The following EVC2 variants were observed in gnomAD, a reference collection of about 807,000 sequenced individuals.
The protein encoded by EVC2 is EvC ciliary complex subunit 2.
Under a neutral mutation model 149.3 loss-of-function variants are expected in EVC2, and 148 were observed. The ratio of observed to expected loss-of-function variants is 0.99; its 90% CI spans 0.87 to 1.14. The LOEUF is 1.14. EVC2 is among the 50% of genes most tolerant of loss of function. The pLI is 0.00. For missense variants in EVC2, 1,854 were observed against 1,627.3 expected, an observed-to-expected ratio of 1.14 and a Z score of -2.40; for synonymous variants, 776 against 649.9, an observed-to-expected ratio of 1.19 and a Z score of -2.95.
Position 5,616,459 on chromosome 4 carries a change from C to G in EVC2, c.2707-915G>C, listed in dbSNP as rs544535646. ...CACTACCTGTTTTGTGGGCCTAGAT[C>G]AAAGAGAAGTATGTGGTGAAGAAAT... On this transcript the variant is annotated intron_variant, in intron 15 of 21. Transcript: ENST00000344408. Among the ~76,000 whole-genome samples, 33 of 152,264 alleles carry G rather than the reference C, an allele frequency of 2.2e-4. 1 individual carries two copies. In the South Asian group the frequency reaches 6.2e-3, roughly 29 times the overall value.
chr4:5,602,654 C>T (rs1714077580), intron 16 of EVC2, among the ~76,000 whole-genome samples: 1 of 151,920 alleles, frequency 6.6e-6, no homozygotes, highest in Non-Finnish European at 1.5e-5. Context: ...TTCTAGTTTC[C>T]CACAAGATTC....
chr4:5,609,962 G>T (rs1714690021), intron 16 of EVC2, among the ~76,000 whole-genome samples: 1 of 152,178 alleles, frequency 6.6e-6, no homozygotes, highest in Non-Finnish European at 1.5e-5. Context: ...AGTTGGGAAG[G>T]GTAAAGCATG....
rs185417844 is a variant in EVC2, at chr4:5,686,836, T to C, written c.707-1357A>G. Among the ~76,000 whole-genome samples, 1 of 151,388 alleles carries C rather than the reference T, an allele frequency of 6.6e-6. No homozygotes were observed. Among genetic ancestry groups the C allele is most frequent in the Admixed American group, 6.6e-5 (1 of 15,228 alleles). ...CCCCAAGGTGAAAATCAATGTCACA[T>C]TCCTTGGCGTAGCGGTGAGTTCACA... On this transcript the variant is annotated intron_variant, in intron 5 of 21. Transcript: ENST00000344408. The surrounding 1 kb of genome is among the most constrained non-coding windows in gnomAD (Gnocchi z 5.4).
Position 5,697,640 on chromosome 4 carries a change from G to A in EVC2, c.236C>T (p.Pro79Leu). ...AGPESSTQDL[P>L]CMIWPKVECC... ...TTCCACTTTGGGCCAAATCATACAG[G>A]GCAAGTCCTAAAAAATTCAAGACAC... Residue 79 changes from proline to leucine, a missense_variant, in exon 2 of 22, where the codon CCC (proline) becomes CTC (leucine). Transcript: ENST00000344408. 1.2e-6 allele frequency: 2 copies of A among 1,613,898 alleles called. No individual in the cohort carries two copies. Among genetic ancestry groups the A allele is most frequent in the Non-Finnish European group, 8.5e-7 (1 of 1,179,958 alleles).
intron 21 of EVC2, among the ~76,000 whole-genome samples, chr4:5,549,969 T>G (rs181476482): frequency 5.5e-4 from 84 of 152,320 alleles, no homozygotes; most frequent in African/African-American, 1.7e-3. Flanking sequence ...TTTTGCCTGC[T>G]GTCATCCATG....
intron 16 of EVC2, among the ~76,000 whole-genome samples, chr4:5,608,039 CGGGCTATG>C (rs1714536042): frequency 6.6e-6 from 1 of 152,036 alleles, no homozygotes; most frequent in Non-Finnish European, 1.5e-5. Flanking sequence ...GCCACAGTCC[CGGGCTATG>C]GAGGCAGACA....
In EVC2 at chr4:5,584,756, G is replaced by A. The variant is rs573195320; in HGVS notation, c.2924C>T (p.Ala975Val). ...CGACAGAGTCTCGGTCACCCGGGAC[G>A]CCTTCTGGAACTGCAGAGCAACAAG... Reference protein sequence around the residue: ...QSLVALQFQKASRVTETLSAY... With the variant: ...QSLVALQFQKVSRVTETLSAY... The change falls in exon 17 of 22, where the codon GCG becomes GTG. Residue 975 changes from alanine (A) to valine (V), a missense_variant. Ala to Val is a moderately conservative substitution (Grantham distance 64, BLOSUM62 0). Coordinates refer to ENST00000344408, the MANE Select transcript of EVC2 (RefSeq NM_147127.5). The A allele has an allele frequency of 3.3e-5, 54 of 1,614,018 alleles. No individual in the cohort carries two copies. The South Asian group carries it at 4.4e-4, about 13-fold the overall frequency.
intron 16 of EVC2, among the ~76,000 whole-genome samples, chr4:5,594,408 G>A (rs1293392556): frequency 3.9e-5 from 6 of 152,156 alleles, no homozygotes; most frequent in South Asian, 2.1e-4. Flanking sequence ...CAGCATTCGC[G>A]GTTCATGAAA....
At chr4:5,551,414 G>A (rs764963449) in intron 21 of EVC2, among the ~76,000 whole-genome samples, 1 of 152,208 alleles carries the variant, frequency 6.6e-6, no homozygotes, top group Admixed American at 6.5e-5. Context: ...GCTGGATTTT[G>A]GGCTTGCATG....
chr4:5,698,309 C>A (rs1721615502), intron 1 of EVC2, among the ~76,000 whole-genome samples: 1 of 152,100 alleles, frequency 6.6e-6, no homozygotes. Flanking sequence ...TGCGAATTCC[C>A]AAGATCCTGC....
At chr4:5,671,222 A>G (rs1282241531) in intron 7 of EVC2, among the ~76,000 whole-genome samples, 3 of 152,244 alleles carry the variant, frequency 2.0e-5, no homozygotes. Flanking sequence ...AGTAGACCCA[A>G]GACTCACATC....
At chr4:5,583,756 G>C (rs919356701) in intron 17 of EVC2, among the ~76,000 whole-genome samples, 13 of 133,844 alleles carry the variant, frequency 9.7e-5, no homozygotes, top group Admixed American at 4.6e-4. Flanking sequence ...CCAAGGGTTT[G>C]TATATTTTAT....
chr4:5,617,330 T>C (rs977054097), intron 15 of EVC2, among the ~76,000 whole-genome samples: 2 of 152,200 alleles, frequency 1.3e-5, no homozygotes, highest in Non-Finnish European at 2.9e-5. Flanking sequence ...TATTACCTCT[T>C]AGCACTGCTG....
At chr4:5,632,132 G>A (rs544961044) in intron 10 of EVC2, 100 bp from the exon 11 acceptor site, 5 of 1,497,752 alleles carry the variant, frequency 3.3e-6, no homozygotes, top group Non-Finnish European at 4.5e-6. Flanking sequence ...CACACACAAT[G>A]TGTACATGAA....
chr4:5,533,692 T>G, the EVC2 span, among the ~76,000 whole-genome samples: 1 of 152,176 alleles, frequency 6.6e-6, no homozygotes, highest in Non-Finnish European at 1.5e-5. Flanking sequence ...CAGAGTTCGT[T>G]TGCTGGAGTC....
chr4:5,543,074 G>A, exon 22 of EVC2: 7 of 1,169,356 alleles, frequency 6.0e-6, no homozygotes, highest in African/African-American at 1.6e-5. Flanking sequence ...TCCAACGATT[G>A]CACTGCTCAG....
chr4:5,571,703 T>G (rs1263559563), intron 19 of EVC2, among the ~76,000 whole-genome samples: 1 of 152,204 alleles, frequency 6.6e-6, no homozygotes, highest in Non-Finnish European at 1.5e-5. Context: ...CTTCCTCCAG[T>G]CTGGATGTGC....
chr4:5,670,607 C>T lies in EVC2; in HGVS notation c.871-4958G>A, dbSNP rs1719586512. Among the ~76,000 whole-genome samples, 1 of 151,530 alleles carries T rather than the reference C, an allele frequency of 6.6e-6. No homozygotes were observed. The highest frequency in any genetic ancestry group is 1.5e-5 in the Non-Finnish European group (1 of 67,936). On this transcript the variant is annotated intron_variant, in intron 7 of 21. Transcript: ENST00000344408. The surrounding 1 kb of genome is among the most constrained non-coding windows in gnomAD (Gnocchi z 5.2). ...ATCAACATCATCAATATCACCATCACCATCATCTTCACCATCACCATCACT... is the reference window on the plus strand; with the variant it reads ...ATCAACATCATCAATATCACCATCATCATCATCTTCACCATCACCATCACT...
rs1269951929 is a variant in EVC2 at position 5,640,151 on chromosome 4, TGGGTGGC to T, written c.1470+356_1470+362del. Among the ~76,000 whole-genome samples the T allele has an allele frequency of 1.3e-5, 2 of 151,812 alleles. No individual in the cohort carries two copies. Among genetic ancestry groups the T allele is most frequent in the Non-Finnish European group, 2.9e-5 (2 of 67,966 alleles). On this transcript the variant is annotated intron_variant, in intron 10 of 21. Coordinates refer to ENST00000344408, the MANE Select transcript of EVC2 (RefSeq NM_147127.5). The surrounding 1 kb of genome is among the most constrained non-coding windows in gnomAD (Gnocchi z 4.6). ...GATGGGTAAATTGTTGGATGGGTGA[TGGGTGGC>T]ATGGATGGGAGGGTGGATAAATGAG...
Sources: gnomAD v4.1 joint callset for allele counts (sites outside exome capture counted in the v4.1 genomes callset) on GRCh38, gnomAD v4.1.1 for gene constraint, Gnocchi (gnomAD v3.1) non-coding constraint, MANE v1.5 for transcripts, NCBI Gene and HGNC (gene_info 2026-07-23, HGNC 2026-07-21) for gene names.